Variants in NDEL1 observed in about 807,000 individuals in gnomAD.
NDEL1 encodes the protein nudE neurodevelopment protein 1 like 1, also known as nuclear distribution protein nudE-like 1.
A neutral mutation model predicts 45.7 loss-of-function variants in NDEL1; 9 were observed. The observed-to-expected ratio is 0.20, with a 90% confidence interval of 0.12 to 0.34. The LOEUF (loss-of-function observed/expected upper bound fraction) is 0.34, where lower values mean the gene tolerates loss of function less well. NDEL1 is among the 10% of genes least tolerant of loss of function. The pLI is 1.00. For missense variants in NDEL1, 306 were observed against 406.2 expected, an observed-to-expected ratio of 0.75 and a Z score of 2.12; for synonymous variants, 133 against 158.6, an observed-to-expected ratio of 0.84 and a Z score of 1.21.
chr17:8,443,529 G>A (rs1427980670), intron 1 of NDEL1, among the ~76,000 whole-genome samples: 1 of 152,092 alleles, frequency 6.6e-6, no homozygotes, highest in Non-Finnish European at 1.5e-5. Flanking sequence ...CTGGGGAGGG[G>A]GTGCTAGGAA....
chr17:8,434,229 T>C (rs1454289590), upstream of NDEL1, among the ~76,000 whole-genome samples: 2 of 152,154 alleles, frequency 1.3e-5, no homozygotes, highest in Middle Eastern at 3.2e-3. Flanking sequence ...TTTTTTGTTT[T>C]GTTTTGTTTG....
chr17:8,472,227 C>T (rs1001514492), downstream of NDEL1, among the ~76,000 whole-genome samples: 1 of 152,228 alleles, frequency 6.6e-6, no homozygotes, highest in Non-Finnish European at 1.5e-5. Context: ...GCTAGAACAG[C>T]TTGGCCTTAC....
At chr17:8,452,346 T>G (rs1260273548) in intron 6 of NDEL1, among the ~76,000 whole-genome samples, 3 of 152,254 alleles carry the variant, frequency 2.0e-5, no homozygotes, top group Non-Finnish European at 4.4e-5. Context: ...GTGCACATTT[T>G]TTTTTAATAG....
intron 6 of NDEL1, among the ~76,000 whole-genome samples, chr17:8,451,602 A>G (rs757135607): frequency 1.3e-5 from 2 of 152,164 alleles, no homozygotes; most frequent in African/African-American, 2.4e-5. Context: ...ATTGGCACAT[A>G]CAGAATACTC....
intron 8 of NDEL1, 74 bp from the exon 9 acceptor site, chr17:8,466,856 A>G (rs150052303): frequency 2.9e-5 from 40 of 1,390,088 alleles, no homozygotes; most frequent in East Asian, 2.5e-4. Flanking sequence ...TTAATTTCCT[A>G]TTGTGTGTGA....
chr17:8,462,498 G>A (rs191130309), intron 8 of NDEL1, among the ~76,000 whole-genome samples: 44 of 152,210 alleles, frequency 2.9e-4, no homozygotes, highest in Non-Finnish European at 5.4e-4. Flanking sequence ...CTGCCAACCT[G>A]TTGACCAGAT....
chr17:8,429,353 T>C (rs928913490), intron 1 of NDEL1, among the ~76,000 whole-genome samples: 7 of 152,272 alleles, frequency 4.6e-5, no homozygotes, highest in Non-Finnish European at 8.8e-5. Flanking sequence ...ACACTGTCCC[T>C]ACACTCAGTG....
upstream of NDEL1, chr17:8,435,703 G>GCGCCTGCGCAAGAGGA (rs940971199): frequency 3.3e-4 from 110 of 332,434 alleles, no homozygotes; most frequent in African/African-American, 1.0e-3. Flanking sequence ...GAGTCCAGGA[G>GCGCCTGCGCAAGAGGA]CGCCTGCGCA....
chr17:8,420,110 C>T (rs548827956), intron 1 of NDEL1, among the ~76,000 whole-genome samples: 1 of 152,308 alleles, frequency 6.6e-6, no homozygotes, highest in East Asian at 1.9e-4. Flanking sequence ...TTTCAAGGTT[C>T]TCTTCTACGT....
chr17:8,413,940 C>G (rs1908483365), intron 1 of NDEL1, among the ~76,000 whole-genome samples: 7 of 152,140 alleles, frequency 4.6e-5, no homozygotes. Context: ...TTAATCAGTA[C>G]AGAGACATTG....
chr17:8,469,215 G>C (rs1302849843), downstream of NDEL1, among the ~76,000 whole-genome samples: 1 of 152,136 alleles, frequency 6.6e-6, no homozygotes, highest in Non-Finnish European at 1.5e-5. Flanking sequence ...CCTTGTTGAT[G>C]TGCAGCAACT....
intron 3 of NDEL1, chr17:8,446,074 C>T: frequency 2.6e-6 from 1 of 378,238 alleles, no homozygotes; most frequent in Non-Finnish European, 4.6e-6. Context: ...TTGTAGTTGT[C>T]ACTTTTCTAG....
At chr17:8,427,770 T>C (rs1281048087) in intron 1 of NDEL1, among the ~76,000 whole-genome samples, 1 of 152,090 alleles carries the variant, frequency 6.6e-6, no homozygotes, top group South Asian at 2.1e-4. Flanking sequence ...GGGAAATTAA[T>C]CTCCTGGTTG....
chr17:8,454,661 A>G, intron 6 of NDEL1, 135 bp from the exon 7 acceptor site: 1 of 671,474 alleles, frequency 1.5e-6, no homozygotes, highest in Non-Finnish European at 2.6e-6. Context: ...TATTTATGGT[A>G]TCTATACTTT....
chr17:8,434,825 A>C (rs989281171), upstream of NDEL1, among the ~76,000 whole-genome samples: 1 of 151,784 alleles, frequency 6.6e-6, no homozygotes, highest in African/African-American at 2.4e-5. Flanking sequence ...TAATCCCAGC[A>C]CTTTGGGAGG....
At chr17:8,413,371 G>C (rs1908468162) in intron 1 of NDEL1, 1 of 152,368 alleles carries the variant, frequency 6.6e-6, no homozygotes. Context: ...AGGACCCTCT[G>C]TGCCCATGAG....
upstream of NDEL1, among the ~76,000 whole-genome samples, chr17:8,432,357 TAA>T (rs1486561208): frequency 9.0e-3 from 259 of 28,702 alleles, 11 homozygotes; most frequent in South Asian, 0.017. Context: ...AATATAAATA[TAA>T]ATATATATAT....
chr17:8,459,761 G>A (rs939796617), intron 7 of NDEL1, among the ~76,000 whole-genome samples: 1 of 152,132 alleles, frequency 6.6e-6, no homozygotes, highest in Non-Finnish European at 1.5e-5. Context: ...TTAGTTGTAA[G>A]GGGAAGATTA....
chr17:8,415,117 TC>T lies in NDEL1; in HGVS notation c.-13+1851del, dbSNP rs1908513988. 9.7e-5 allele frequency among the ~76,000 whole-genome samples: 13 copies of T among 133,484 alleles called. 1 individual carries two copies. The highest frequency in any genetic ancestry group is 2.3e-4 in the Admixed American group (3 of 13,286). The allele number at this position is 133,484 out of a possible 152,430, so 87.6% of individuals were successfully genotyped here. Reference sequence around the variant, plus strand: ...CTTCCTTTCTTCCTCCCTCCCTCCCTCCCTCCCTCCTGCCTCTTCTCTCTTT... The same window carrying T: ...CTTCCTTTCTTCCTCCCTCCCTCCCTCCTCCCTCCTGCCTCTTCTCTCTTT... On this transcript the variant is annotated intron_variant, in intron 1 of 4. Transcript: ENST00000582812.
Sources: allele counts gnomAD v4.1 joint callset (sites outside exome capture counted in the v4.1 genomes callset), GRCh38; gene constraint gnomAD v4.1.1; transcripts MANE v1.5; gene names NCBI Gene and HGNC (gene_info 2026-07-23, HGNC 2026-07-21).